The following PTPRR variants were observed in gnomAD, a reference collection of about 807,000 sequenced individuals.
PTPRR encodes protein tyrosine phosphatase receptor type R.
Under a neutral mutation model 77.2 loss-of-function variants are expected in PTPRR, and 38 were observed. The ratio of observed to expected loss-of-function variants is 0.49; its 90% CI spans 0.38 to 0.65. PTPRR has a LOEUF of 0.65. Ranked by LOEUF, PTPRR falls within the 30% of genes least tolerant of loss-of-function variation. PTPRR has a pLI of 0.00. For synonymous variants in PTPRR, 299 were observed against 283.1 expected, an observed-to-expected ratio of 1.06 and a Z score of -0.57; for missense variants, 744 against 799.2, an observed-to-expected ratio of 0.93 and a Z score of 0.83.
chr12:70,850,828 G>C (rs1892560178), intron 2 of PTPRR, among the ~76,000 whole-genome samples: 1 of 152,164 alleles, frequency 6.6e-6, no homozygotes, highest in Non-Finnish European at 1.5e-5. Context: ...CTAGCTATAA[G>C]GAAGATGCTG....
intron 1 of PTPRR, among the ~76,000 whole-genome samples, chr12:70,916,326 T>C (rs941420246): frequency 6.6e-6 from 1 of 151,952 alleles, no homozygotes; most frequent in Non-Finnish European, 1.5e-5. Flanking sequence ...TAAATATGGC[T>C]GGAGAGAGGT....
chr12:70,841,552 G>T (rs1892397604), intron 2 of PTPRR, among the ~76,000 whole-genome samples: 1 of 151,988 alleles, frequency 6.6e-6, no homozygotes, highest in Non-Finnish European at 1.5e-5. Flanking sequence ...AAACTGATGT[G>T]ATTGCACACA....
intron 10 of PTPRR, among the ~76,000 whole-genome samples, 183 bp from the exon 11 acceptor site, chr12:70,662,788 G>T (rs1015284276): frequency 2.4e-4 from 36 of 151,462 alleles, no homozygotes; most frequent in Non-Finnish European, 4.1e-4. Flanking sequence ...AGATTTTATG[G>T]TATATAAATT....
chr12:70,767,678 A>G (rs374908347), intron 2 of PTPRR, among the ~76,000 whole-genome samples: 6 of 152,232 alleles, frequency 3.9e-5, no homozygotes, highest in African/African-American at 9.6e-5. Flanking sequence ...ATAGACATCT[A>G]CAGAATTCTC....
intron 5 of PTPRR, among the ~76,000 whole-genome samples, chr12:70,746,554 G>A (rs190467725): frequency 1.1e-4 from 17 of 152,184 alleles, no homozygotes; most frequent in African/African-American, 4.1e-4. Context: ...TCTTATGTTG[G>A]TAAATCTCTG....
chr12:70,897,065 G>A (rs192954975), intron 1 of PTPRR, among the ~76,000 whole-genome samples: 41 of 151,614 alleles, frequency 2.7e-4, no homozygotes, highest in African/African-American at 9.4e-4. Flanking sequence ...AGCTTTGTTC[G>A]TTTGGCTTAG....
At chr12:70,666,167 G>T (rs1886985653) in intron 10 of PTPRR, among the ~76,000 whole-genome samples, 2 of 151,988 alleles carry the variant, frequency 1.3e-5, no homozygotes, top group Admixed American at 6.6e-5. Context: ...GGACATGAAG[G>T]CTCAGGTGTT....
intron 6 of PTPRR, among the ~76,000 whole-genome samples, chr12:70,740,611 A>G (rs1278342134): frequency 6.6e-6 from 1 of 152,082 alleles, no homozygotes. Flanking sequence ...CAGTTAAGCA[A>G]TCCATTTAGT....
At chr12:70,818,781 A>C (rs1314205892) in intron 2 of PTPRR, among the ~76,000 whole-genome samples, 1 of 152,152 alleles carries the variant, frequency 6.6e-6, no homozygotes, top group African/African-American at 2.4e-5. Context: ...AGAAAAAAAT[A>C]AAAGAAATAA....
chr12:70,807,328 TTGCTGCTG>T, intron 2 of PTPRR, among the ~76,000 whole-genome samples: 1 of 152,340 alleles, frequency 6.6e-6, no homozygotes, highest in African/African-American at 2.4e-5. Flanking sequence ...TTGTTGGTTT[TTGCTGCTG>T]AATGCATTTC....
At chr12:70,913,664 ACTTAT>A (rs1308000491) in intron 1 of PTPRR, among the ~76,000 whole-genome samples, 4 of 152,080 alleles carry the variant, frequency 2.6e-5, no homozygotes, top group Non-Finnish European at 5.9e-5. Flanking sequence ...TGGGACACAA[ACTTAT>A]CTTATGGAGT....
chr12:70,657,552 C>G (rs1268801410), intron 12 of PTPRR, among the ~76,000 whole-genome samples: 2 of 152,174 alleles, frequency 1.3e-5, no homozygotes, highest in African/African-American at 4.8e-5. Flanking sequence ...CTAACAGTCT[C>G]TATGTAAAAG....
At chr12:70,879,717 A>G (rs1893116672) in intron 2 of PTPRR, among the ~76,000 whole-genome samples, 1 of 152,198 alleles carries the variant, frequency 6.6e-6, no homozygotes, top group East Asian at 1.9e-4. Flanking sequence ...CTTGCTGTGT[A>G]GTATTCAGAC....
chr12:70,744,727 C>A (rs771173215), intron 6 of PTPRR, among the ~76,000 whole-genome samples: 8 of 152,006 alleles, frequency 5.3e-5, no homozygotes, highest in Non-Finnish European at 1.0e-4. Context: ...CCTCAGGCAA[C>A]AAAATATATG....
intron 2 of PTPRR, among the ~76,000 whole-genome samples, chr12:70,770,408 A>G (rs1234427104): frequency 6.6e-6 from 1 of 152,212 alleles, no homozygotes. Context: ...CACATGAAAA[A>G]ATGCTCACCA....
intron 2 of PTPRR, among the ~76,000 whole-genome samples, chr12:70,887,710 T>C (rs1175946216): frequency 6.6e-6 from 1 of 152,040 alleles, no homozygotes; most frequent in African/African-American, 2.4e-5. Flanking sequence ...CTCACTGTCC[T>C]GAGGAAGAGA....
intron 1 of PTPRR, among the ~76,000 whole-genome samples, chr12:70,902,918 G>A (rs897396264): frequency 1.3e-5 from 2 of 151,718 alleles, no homozygotes; most frequent in African/African-American, 4.8e-5. Flanking sequence ...TACATATAAT[G>A]TAATACTATT....
intron 13 of PTPRR, among the ~76,000 whole-genome samples, chr12:70,653,668 G>A (rs75518549): frequency 0.031 from 4,718 of 152,250 alleles, 97 homozygotes; most frequent in Non-Finnish European, 0.046. Context: ...TACACACCAG[G>A]CATTTCACAT....
intron 6 of PTPRR, among the ~76,000 whole-genome samples, chr12:70,710,102 T>A (rs1371722766): frequency 6.6e-6 from 1 of 152,112 alleles, no homozygotes; most frequent in East Asian, 1.9e-4. Context: ...AAGACAATCC[T>A]GAGCAAAAAG....
Sources: gnomAD v4.1 joint callset for allele counts (sites outside exome capture counted in the v4.1 genomes callset) on GRCh38, gnomAD v4.1.1 for gene constraint, MANE v1.5 for transcripts, NCBI Gene and HGNC (gene_info 2026-07-23, HGNC 2026-07-21) for gene names.